The following DCC variants were observed in gnomAD, a reference collection of about 807,000 sequenced individuals.
DCC encodes the protein netrin receptor DCC.
A neutral mutation model predicts 172.5 loss-of-function variants in DCC; 58 were observed. The observed-to-expected ratio is 0.34, with a 90% CI of 0.27 to 0.42. The LOEUF is 0.42. Ranked by LOEUF, DCC falls within the 10% of genes least tolerant of loss-of-function variation. The pLI is 1.00. For synonymous variants in DCC, 709 were observed against 644.5 expected, an observed-to-expected ratio of 1.10 and a Z score of -1.52; for missense variants, 1,740 against 1,791.0, an observed-to-expected ratio of 0.97 and a Z score of 0.51.
At chr18:52,609,580 T>C (rs1487777006) in intron 1 of DCC, among the ~76,000 whole-genome samples, 1 of 152,154 alleles carries the variant, frequency 6.6e-6, no homozygotes, top group African/African-American at 2.4e-5. Context: ...CAACTTTTAC[T>C]GATGATATAT....
In DCC at chr18:52,913,565, C is replaced by A. The variant is rs151078942; in HGVS notation, c.697+7237C>A. Among the ~76,000 whole-genome samples the A allele has an allele frequency of 5.2e-3, 790 of 152,044 alleles. 4 individuals carry two copies. The highest frequency in any genetic ancestry group is 0.018 in the African/African-American group (762 of 41,504). On this transcript the variant is annotated intron_variant, in intron 3 of 28. Transcript: ENST00000442544. ...TATGGATTATATTATATTCTCTTAG[C>A]TACTATTCCCTGAAAAGTTACTATT...
At chr18:52,882,981 T>C (rs968648754) in intron 2 of DCC, among the ~76,000 whole-genome samples, 1 of 152,176 alleles carries the variant, frequency 6.6e-6, no homozygotes, top group Non-Finnish European at 1.5e-5. Flanking sequence ...CTCTGCTGAA[T>C]TGACTCCTTA....
At chr18:52,462,248 A>G (rs986847669) in intron 1 of DCC, among the ~76,000 whole-genome samples, 1 of 152,120 alleles carries the variant, frequency 6.6e-6, no homozygotes, top group African/African-American at 2.4e-5. Flanking sequence ...AGCAGAACAG[A>G]CAGGGTTACC....
chr18:52,597,045 A>C (rs1342441181), intron 1 of DCC, among the ~76,000 whole-genome samples: 1 of 151,970 alleles, frequency 6.6e-6, no homozygotes, highest in East Asian at 1.9e-4. Flanking sequence ...GTTTCACCAT[A>C]TGTTCCCCTT....
At chr18:53,135,127 C>T (rs762197314) in intron 7 of DCC, among the ~76,000 whole-genome samples, 2 of 152,128 alleles carry the variant, frequency 1.3e-5, no homozygotes, top group Non-Finnish European at 2.9e-5. Flanking sequence ...ATTTGCCAGA[C>T]ACCCTCTCTG....
intron 12 of DCC, among the ~76,000 whole-genome samples, chr18:53,239,099 C>T (rs923597689): frequency 2.0e-5 from 3 of 150,582 alleles, no homozygotes; most frequent in Non-Finnish European, 2.9e-5. Context: ...ATGTAAGTGA[C>T]GAATTAATGG....
At chr18:52,666,980 A>C (rs1423359230) in intron 1 of DCC, among the ~76,000 whole-genome samples, 1 of 152,206 alleles carries the variant, frequency 6.6e-6, no homozygotes, top group African/African-American at 2.4e-5. Context: ...TCATCTAATA[A>C]GAACGAAATT....
chr18:53,350,479 A>G (rs1290056379), intron 15 of DCC, among the ~76,000 whole-genome samples: 1 of 152,184 alleles, frequency 6.6e-6, no homozygotes, highest in African/African-American at 2.4e-5. Context: ...TTAGTAGACT[A>G]GCAATTTAAA....
intron 5 of DCC, chr18:52,941,205 A>G (rs900599815): frequency 2.0e-5 from 3 of 152,196 alleles, no homozygotes; most frequent in Admixed American, 6.5e-5. Context: ...AGTCTTTTTA[A>G]TATAGCCTAT....
intron 1 of DCC, among the ~76,000 whole-genome samples, chr18:52,426,222 C>T (rs770192106): frequency 7.2e-5 from 11 of 151,886 alleles, no homozygotes; most frequent in Non-Finnish European, 1.0e-4. Context: ...ATCATCTCCA[C>T]GGCAATGAGA....
Position 52,635,046 on chromosome 18 carries a change from T to C in DCC, c.92-117008T>C, listed in dbSNP as rs537517046. ...ATTATTTTCTCTACCCTACTGGAGA[T>C]TATATTATTTCCAGTGGTTTCTAGA... On this transcript the variant is annotated intron_variant, in intron 1 of 28. Transcript: ENST00000442544. Among the ~76,000 whole-genome samples, 25 of 152,318 alleles carry C rather than the reference T, an allele frequency of 1.6e-4. No homozygotes were observed. In the South Asian group the frequency reaches 5.2e-3, roughly 32 times the overall value.
chr18:52,919,899 G>T (rs895203593), intron 3 of DCC, among the ~76,000 whole-genome samples: 1 of 151,444 alleles, frequency 6.6e-6, no homozygotes, highest in South Asian at 2.1e-4. Context: ...TGGAACAGAG[G>T]AGAGCTCCCT....
intron 1 of DCC, among the ~76,000 whole-genome samples, chr18:52,348,567 A>G (rs928601864): frequency 2.0e-5 from 3 of 152,208 alleles, no homozygotes; most frequent in African/African-American, 7.2e-5. Context: ...TTTTCCATTA[A>G]TTTGTTAGCT....
intron 3 of DCC, among the ~76,000 whole-genome samples, chr18:52,923,322 T>C (rs1010490758): frequency 6.6e-6 from 1 of 152,164 alleles, no homozygotes; most frequent in African/African-American, 2.4e-5. Flanking sequence ...CAATAAACAA[T>C]GTAGAAGAAA....
At chr18:53,042,022 C>T (rs1177616517) in intron 5 of DCC, among the ~76,000 whole-genome samples, 1 of 151,978 alleles carries the variant, frequency 6.6e-6, no homozygotes, top group African/African-American at 2.4e-5. Flanking sequence ...ATTGTCCTGA[C>T]CAGAACTTCC....
rs1014815002 is a variant in DCC at position 53,179,061 on chromosome 18, T to C, written c.1518T>C (p.Asn506=). Residue 506 remains asparagine (N), a synonymous_variant, in exon 9 of 29, where the codon AAT becomes AAC. Transcript: ENST00000442544. ...ACACCTTTCGAGTTGTGGCTTACAA[T>C]GAATGGGGACCGGGAGAGAGTTCTC... The part of the protein sequence containing the change: ...AMYTFRVVAY[N]EWGPGESSQP... 1.2e-6 allele frequency: 2 copies of C among 1,614,048 alleles called. No homozygotes were observed. The highest frequency in any genetic ancestry group is 1.7e-6 in the Non-Finnish European group (2 of 1,179,966).
intron 5 of DCC, among the ~76,000 whole-genome samples, chr18:53,006,262 A>G (rs1338220214): frequency 6.6e-6 from 1 of 152,224 alleles, no homozygotes; most frequent in African/African-American, 2.4e-5. Flanking sequence ...TTTGTAAATG[A>G]TATGAGCCAT....
intron 13 of DCC, among the ~76,000 whole-genome samples, chr18:53,312,167 A>G (rs1162479260): frequency 8.4e-4 from 30 of 35,544 alleles, no homozygotes; most frequent in African/African-American, 4.0e-3. Flanking sequence ...AAAAAAAAAA[A>G]AAAAAAAAAA....
At chr18:53,101,766 C>T (rs1598802883) in intron 7 of DCC, among the ~76,000 whole-genome samples, 1 of 151,864 alleles carries the variant, frequency 6.6e-6, no homozygotes, top group African/African-American at 2.4e-5. Context: ...TGGTGATTCC[C>T]TAGGACAAGT....
Sources: allele counts gnomAD v4.1 joint callset (sites outside exome capture counted in the v4.1 genomes callset), GRCh38; gene constraint gnomAD v4.1.1; transcripts MANE v1.5; gene names NCBI Gene and HGNC (gene_info 2026-07-23, HGNC 2026-07-21).